MERTK: variants seen among roughly 807,000 people sequenced by gnomAD.
MERTK encodes MER proto-oncogene, tyrosine kinase, also known as tyrosine-protein kinase Mer.
MERTK carries 69 observed loss-of-function variants against 99.3 expected under a neutral mutation model. The observed-to-expected ratio is 0.70, with a 90% confidence interval of 0.57 to 0.85. The LOEUF (loss-of-function observed/expected upper bound fraction) is 0.85. MERTK is among the 40% of genes least tolerant of loss of function. The pLI is 0.00. For synonymous variants in MERTK, 426 were observed against 467.6 expected, an observed-to-expected ratio of 0.91 and a Z score of 1.15; for missense variants, 1,125 against 1,249.4, an observed-to-expected ratio of 0.90 and a Z score of 1.50.
intron 2 of MERTK, among the ~76,000 whole-genome samples, chr2:111,942,636 TC>T (rs1388212903): frequency 6.6e-6 from 1 of 152,190 alleles, no homozygotes; most frequent in African/African-American, 2.4e-5. Flanking sequence ...CTTTCCTTGA[TC>T]CCTGGGACCT....
chr2:111,988,817 C>T (rs1349644111), intron 8 of MERTK, among the ~76,000 whole-genome samples: 5 of 152,110 alleles, frequency 3.3e-5, no homozygotes, highest in Admixed American at 6.5e-5. Flanking sequence ...AGCCTGGTGG[C>T]GGGCACCTGT....
At chr2:111,914,633 T>C (rs1224932252) in intron 1 of MERTK, among the ~76,000 whole-genome samples, 2 of 152,228 alleles carry the variant, frequency 1.3e-5, no homozygotes, top group Non-Finnish European at 2.9e-5. Flanking sequence ...TATTGAATTT[T>C]GTTAAATGAA....
At chr2:111,942,301 C>G (rs1023833343) in intron 2 of MERTK, among the ~76,000 whole-genome samples, 1 of 152,160 alleles carries the variant, frequency 6.6e-6, no homozygotes, top group Non-Finnish European at 1.5e-5. Context: ...AGAAGCACCC[C>G]CTCTTCAGTA....
rs11464692 is a variant in MERTK at position 111,904,379 on chromosome 2, CT to C, written c.61+5597del. 4.3e-3 allele frequency among the ~76,000 whole-genome samples: 619 copies of C among 144,174 alleles called. 2 individuals carry two copies. The highest frequency in any genetic ancestry group is 9.6e-3 in the African/African-American group (373 of 39,020). The allele number at this position is 144,174 out of a possible 152,430, so 94.6% of individuals were successfully genotyped here. On this transcript the variant is annotated intron_variant, in intron 1 of 18. Transcript: ENST00000295408. ...TTTGAGTGTGAACATCCAGAAAATT[CT>C]TTTTTTTTTTTTTGAGATGGAATCT...
chr2:111,900,731 C>G (rs553029989), intron 1 of MERTK, among the ~76,000 whole-genome samples: 19 of 152,256 alleles, frequency 1.2e-4, no homozygotes, highest in Non-Finnish European at 2.6e-4. Context: ...TGAACTTTAC[C>G]TATGAGATGT....
At chr2:112,012,669 A>T (rs1353927053) in intron 15 of MERTK, among the ~76,000 whole-genome samples, 1 of 152,152 alleles carries the variant, frequency 6.6e-6, no homozygotes, top group Non-Finnish European at 1.5e-5. Context: ...TCCAGCATGG[A>T]GAAACTAGAG....
chr2:112,017,107 C>T (rs1472571787), intron 15 of MERTK, among the ~76,000 whole-genome samples: 1 of 152,110 alleles, frequency 6.6e-6, no homozygotes, highest in East Asian at 1.9e-4. Flanking sequence ...AGCTTTTATT[C>T]CCTTATTTGT....
At chr2:112,020,476 C>T in intron 16 of MERTK, 1 of 419,612 alleles carries the variant, frequency 2.4e-6, no homozygotes, top group South Asian at 1.8e-5. Flanking sequence ...TACTTTATAT[C>T]TATTTCTTCT....
intron 6 of MERTK, among the ~76,000 whole-genome samples, chr2:111,971,524 C>G (rs1011201602): frequency 2.6e-5 from 4 of 152,062 alleles, no homozygotes; most frequent in Admixed American, 2.6e-4. Flanking sequence ...TTGTTCATCT[C>G]AAGTTTTCTG....
chr2:111,973,116 T>A lies in MERTK; in HGVS notation c.961-2173T>A, dbSNP rs189387087. Among the ~76,000 whole-genome samples, 9 of 152,282 alleles carry A rather than the reference T, an allele frequency of 5.9e-5. No homozygotes were observed. The East Asian group carries it at 1.5e-3, about 26-fold the overall frequency. On this transcript the variant is annotated intron_variant, in intron 6 of 18. Coordinates refer to ENST00000295408, the MANE Select transcript of MERTK (RefSeq NM_006343.3). ...CTCCCATGTACTTCTTGCCACTTCA[T>A]GCCTGTTTTCCCTGAGGACCCACTG...
intron 6 of MERTK, among the ~76,000 whole-genome samples, chr2:111,974,596 C>T (rs181100800): frequency 2.0e-5 from 3 of 151,364 alleles, no homozygotes; most frequent in Admixed American, 6.6e-5. Context: ...ATAGTGAAAC[C>T]CCATCTCTAC....
intron 1 of MERTK, among the ~76,000 whole-genome samples, chr2:111,912,658 G>A (rs1046855302): frequency 2.0e-5 from 3 of 152,162 alleles, no homozygotes; most frequent in Admixed American, 1.3e-4. Context: ...TTCTTCCCAA[G>A]AGTACTCTAA....
At chr2:111,981,500 C>CA (rs1205937409) in intron 7 of MERTK, among the ~76,000 whole-genome samples, 1 of 152,070 alleles carries the variant, frequency 6.6e-6, no homozygotes, top group East Asian at 1.9e-4. Flanking sequence ...CTGCAACCTC[C>CA]ATCTCCCAGA....
chr2:111,985,293 AT>A (rs572349710), intron 8 of MERTK, among the ~76,000 whole-genome samples: 12 of 152,232 alleles, frequency 7.9e-5, no homozygotes, highest in African/African-American at 2.9e-4. Flanking sequence ...CTGGGTGATG[AT>A]GCCTGGGTGT....
intron 3 of MERTK, among the ~76,000 whole-genome samples, chr2:111,946,231 A>G (rs1210764272): frequency 6.6e-6 from 1 of 152,128 alleles, no homozygotes; most frequent in African/African-American, 2.4e-5. Context: ...GGTTTCCTAC[A>G]TTTGCAGCTA....
At chr2:111,907,993 C>T (rs1432673512) in intron 1 of MERTK, among the ~76,000 whole-genome samples, 2 of 152,184 alleles carry the variant, frequency 1.3e-5, no homozygotes, top group Non-Finnish European at 1.5e-5. Context: ...TTCTGTGCCA[C>T]CTCTTTCGTT....
intron 2 of MERTK, among the ~76,000 whole-genome samples, chr2:111,935,430 A>T (rs1684747198): frequency 6.6e-6 from 1 of 152,148 alleles, no homozygotes; most frequent in African/African-American, 2.4e-5. Flanking sequence ...TGGCACCAGG[A>T]CTGGGGGAGG....
chr2:112,018,196 C>T (rs893446509), intron 15 of MERTK, among the ~76,000 whole-genome samples: 1 of 152,202 alleles, frequency 6.6e-6, no homozygotes, highest in Non-Finnish European at 1.5e-5. Context: ...TTGCTGAACT[C>T]ATTTATTAAT....
At chr2:111,913,983 C>T (rs555684952) in intron 1 of MERTK, among the ~76,000 whole-genome samples, 3 of 151,268 alleles carry the variant, frequency 2.0e-5, no homozygotes, top group South Asian at 4.2e-4. Flanking sequence ...ACTTTCAGCA[C>T]GGTGTTGAAT....
Sources: allele counts gnomAD v4.1 joint callset (sites outside exome capture counted in the v4.1 genomes callset), GRCh38; gene constraint gnomAD v4.1.1; transcripts MANE v1.5; gene names NCBI Gene and HGNC (gene_info 2026-07-23, HGNC 2026-07-21).